Variants in TAFA1 observed in about 807,000 individuals in gnomAD.
TAFA1 encodes the protein TAFA chemokine like family member 1.
In TAFA1, 4 loss-of-function variants were observed where a neutral mutation model predicts 18.5. The observed-to-expected ratio is 0.22, with a 90% CI of 0.11 to 0.49. The LOEUF (loss-of-function observed/expected upper bound fraction) is 0.49, where lower values mean the gene tolerates loss of function less well. TAFA1 is among the 20% of genes least tolerant of loss of function. The pLI is 0.98. For missense variants in TAFA1, 147 were observed against 169.0 expected (o/e 0.87, Z 0.72); for synonymous variants, 56 against 55.2 (o/e 1.01, Z -0.06).
intron 2 of TAFA1, among the ~76,000 whole-genome samples, chr3:68,240,556 C>T (rs992018408): frequency 7.9e-5 from 12 of 152,146 alleles, no homozygotes; most frequent in African/African-American, 2.9e-4. Flanking sequence ...ACCCTTGCAT[C>T]GGGTTTATAT....
intron 2 of TAFA1, among the ~76,000 whole-genome samples, chr3:68,255,894 T>G (rs556657537): frequency 2.6e-5 from 4 of 152,132 alleles, no homozygotes; most frequent in Non-Finnish European, 5.9e-5. Context: ...CAAACACTTT[T>G]AATTAACAGA....
At chr3:68,317,866 G>A (rs548520176) in intron 2 of TAFA1, among the ~76,000 whole-genome samples, 1 of 152,186 alleles carries the variant, frequency 6.6e-6, no homozygotes, top group South Asian at 2.1e-4. Context: ...TACTTGTCCA[G>A]GTTTTAGAGA....
chr3:68,522,437 G>A (rs967764608), intron 3 of TAFA1, among the ~76,000 whole-genome samples: 1 of 152,158 alleles, frequency 6.6e-6, no homozygotes, highest in Non-Finnish European at 1.5e-5. Context: ...GGTTCGGGGA[G>A]CTAGATGGCC....
chr3:68,352,337 G>A (rs1359133122), intron 2 of TAFA1, among the ~76,000 whole-genome samples: 1 of 152,016 alleles, frequency 6.6e-6, no homozygotes, highest in African/African-American at 2.4e-5. Flanking sequence ...AAAGGTAATT[G>A]AAGGCAATGG....
chr3:68,361,695 G>T (rs1259440820), intron 2 of TAFA1, among the ~76,000 whole-genome samples: 8 of 151,954 alleles, frequency 5.3e-5, no homozygotes, highest in Admixed American at 5.3e-4. Flanking sequence ...ACAGAACTGG[G>T]TAAGACATGA....
chr3:68,409,797 G>C (rs186560244), intron 2 of TAFA1, among the ~76,000 whole-genome samples: 4 of 152,224 alleles, frequency 2.6e-5, no homozygotes, highest in Admixed American at 2.6e-4. Flanking sequence ...GATCCAGTTG[G>C]TTGGTATGAG....
At chr3:68,377,299 G>T (rs1368046831) in intron 2 of TAFA1, among the ~76,000 whole-genome samples, 1 of 152,172 alleles carries the variant, frequency 6.6e-6, no homozygotes, top group African/African-American at 2.4e-5. Flanking sequence ...GACTTGTTGA[G>T]TGGTTTTGAC....
intron 2 of TAFA1, among the ~76,000 whole-genome samples, chr3:68,250,398 C>A (rs1236952569): frequency 6.6e-6 from 1 of 152,144 alleles, no homozygotes; most frequent in Non-Finnish European, 1.5e-5. Flanking sequence ...GAAAGTGCAA[C>A]ACACCAATGC....
At chr3:68,231,792 T>C (rs942145814) in intron 2 of TAFA1, among the ~76,000 whole-genome samples, 9 of 152,224 alleles carry the variant, frequency 5.9e-5, no homozygotes, top group African/African-American at 2.2e-4. Flanking sequence ...CACTCAGCTT[T>C]AGGGCCTTTC....
chr3:68,110,857 T>C (rs2065254605), intron 2 of TAFA1, among the ~76,000 whole-genome samples: 1 of 152,146 alleles, frequency 6.6e-6, no homozygotes, highest in Non-Finnish European at 1.5e-5. Context: ...GAGCCTACCA[T>C]TGGTGGGTTC....
intron 2 of TAFA1, among the ~76,000 whole-genome samples, chr3:68,215,341 G>A (rs2066644076): frequency 6.6e-6 from 1 of 151,972 alleles, no homozygotes; most frequent in African/African-American, 2.4e-5. Context: ...TGTGGCCTTT[G>A]CCCAGTTAAT....
At chr3:68,198,818 G>A (rs768128018) in intron 2 of TAFA1, among the ~76,000 whole-genome samples, 26 of 151,324 alleles carry the variant, frequency 1.7e-4, no homozygotes, top group Non-Finnish European at 3.3e-4. Flanking sequence ...TCTGTGGTTT[G>A]TCTTTTCATT....
At chr3:68,013,488 G>A (rs978835184) in intron 2 of TAFA1, among the ~76,000 whole-genome samples, 2 of 152,114 alleles carry the variant, frequency 1.3e-5, no homozygotes, top group South Asian at 2.1e-4. Context: ...TCAGTCACAG[G>A]TTTGGGGATT....
chr3:68,458,776 C>A (rs553271759), intron 3 of TAFA1, among the ~76,000 whole-genome samples: 1 of 151,790 alleles, frequency 6.6e-6, no homozygotes, highest in African/African-American at 2.4e-5. Flanking sequence ...CATTTTTAAA[C>A]AGTGCTTCCC....
At chr3:68,047,262 C>G (rs914965233) in intron 2 of TAFA1, among the ~76,000 whole-genome samples, 5 of 152,118 alleles carry the variant, frequency 3.3e-5, no homozygotes, top group Non-Finnish European at 5.9e-5. Flanking sequence ...TCTAAATATC[C>G]TTCTTCAGAT....
intron 2 of TAFA1, among the ~76,000 whole-genome samples, chr3:68,361,601 C>T (rs546085959): frequency 6.6e-6 from 1 of 151,314 alleles, no homozygotes; most frequent in Non-Finnish European, 1.5e-5. Context: ...CATGTCCCCC[C>T]TAAGTGTGTA....
At chr3:68,543,370 A>G (rs1209957004) in intron 4 of TAFA1, among the ~76,000 whole-genome samples, 1 of 152,194 alleles carries the variant, frequency 6.6e-6, no homozygotes, top group Non-Finnish European at 1.5e-5. Flanking sequence ...ATCTGGTGTC[A>G]TATCTTGGGA....
chr3:68,250,791 G>A (rs78543854), intron 2 of TAFA1: 1 of 148,168 alleles, frequency 6.7e-6, no homozygotes, highest in African/African-American at 2.5e-5. Flanking sequence ...TTTTTTTTTA[G>A]CAATTTCCTT....
At position 68,538,739 on chromosome 3, in the gene TAFA1, T is replaced by C; in HGVS notation, c.260-17T>C. On this transcript the variant is annotated splice_polypyrimidine_tract_variant and intron_variant, in intron 3 of 4. Coordinates refer to ENST00000478136, the MANE Select transcript of TAFA1 (RefSeq NM_213609.4). ...TTGGATGAATTGCAAACACAGTTGT[T>C]TCCTGTTTCTGCACAGCCTCCATAG... The C allele has an allele frequency of 6.2e-7, 1 of 1,612,648 alleles. No individual in the cohort carries two copies. Among genetic ancestry groups the C allele is most frequent in the Non-Finnish European group, 8.5e-7 (1 of 1,179,246 alleles).
Sources: allele counts gnomAD v4.1 joint callset (sites outside exome capture counted in the v4.1 genomes callset), GRCh38; gene constraint gnomAD v4.1.1; transcripts MANE v1.5; gene names NCBI Gene and HGNC (gene_info 2026-07-23, HGNC 2026-07-21).